MED1: variants seen among roughly 807,000 people sequenced by gnomAD.
The protein encoded by MED1 is mediator of RNA polymerase II transcription subunit 1.
Under a neutral mutation model 121.3 loss-of-function variants are expected in MED1, and 17 were observed. The observed-to-expected ratio is 0.14, with a 90% CI of 0.10 to 0.21. The LOEUF is 0.21. MED1 is among the 10% of genes least tolerant of loss of function. MED1 has a pLI of 1.00. For synonymous variants in MED1, 661 were observed against 694.4 expected (o/e 0.95, Z 0.76); for missense variants, 1,558 against 1,919.4 (o/e 0.81, Z 3.52).
rs564503388 is a variant in MED1, at chr17:39,437,035, C to A, written c.428+2130G>T. On this transcript the variant is annotated intron_variant, in intron 6 of 16. Transcript: ENST00000300651. ...ACAACCTCTGCCTCCCGGGTTCAAG[C>A]GATTCTCTTGCCTCAGCCTCCCAAG... is the stretch of plus-strand genomic sequence containing the variant. Among the ~76,000 whole-genome samples, 140 of 151,910 alleles carry A rather than the reference C, an allele frequency of 9.2e-4. 3 individuals are homozygous for A. Among genetic ancestry groups the A allele is most frequent in the African/African-American group, 3.3e-3 (138 of 41,446 alleles).
At position 39,407,338 on chromosome 17, in the gene MED1, G is replaced by T; in HGVS notation, c.*137C>A. 7.0e-7 allele frequency: 1 copy of T among 1,422,448 alleles called. No homozygotes were observed. 88.1% of individuals were successfully genotyped at this position (1,422,448 alleles called of 1,614,324 possible). A position where few individuals can be genotyped will look rare whatever the true frequency, so the allele number is the denominator to read the frequency against. On this transcript the variant is annotated 3_prime_UTR_variant, in exon 17 of 17. Transcript: ENST00000300651. Reference sequence around the variant, plus strand: ...TGGATATGCCTTTCTAATTCACCCAGCTTGATGTCAAAGCCATGCCATTTA... The same window carrying T: ...TGGATATGCCTTTCTAATTCACCCATCTTGATGTCAAAGCCATGCCATTTA...
At chr17:39,422,217 G>A (rs1293928502) in intron 13 of MED1, among the ~76,000 whole-genome samples, 7 of 151,250 alleles carry the variant, frequency 4.6e-5, no homozygotes, top group Non-Finnish European at 2.9e-5. Flanking sequence ...AGGCTGAAGC[G>A]CAGTGGTGCG....
intron 14 of MED1, among the ~76,000 whole-genome samples, chr17:39,415,767 A>C (rs1434947944): frequency 1.4e-5 from 2 of 141,474 alleles, no homozygotes; most frequent in African/African-American, 5.2e-5. Flanking sequence ...TAGTGAGCTG[A>C]GATCGTGCCA....
intron 14 of MED1, among the ~76,000 whole-genome samples, chr17:39,416,455 A>G (rs2048410147): frequency 6.6e-6 from 1 of 152,226 alleles, no homozygotes; most frequent in Admixed American, 6.6e-5. Flanking sequence ...CAGATGTGCT[A>G]GCAGCCTAGA....
chr17:39,441,027 C>A (rs1468642987), intron 3 of MED1, among the ~76,000 whole-genome samples: 2 of 151,912 alleles, frequency 1.3e-5, no homozygotes, highest in East Asian at 3.9e-4. Context: ...ATTAACAACA[C>A]CATTAATCAC....
Position 39,440,428 on chromosome 17 carries a change from C to A in MED1, c.357G>T (p.Gln119His). 6.3e-7 allele frequency: 1 copy of A among 1,584,174 alleles called. No homozygotes were observed. The highest frequency in any genetic ancestry group is 2.0e-5 in the Admixed American group (1 of 48,974). The change falls in exon 5 of 17, where the codon CAG becomes CAT. Residue 119 changes from glutamine (Q) to histidine (H), a missense_variant. Physicochemically the swap from Gln to His is conservative, Grantham distance 24. Around this residue, in one of 5 missense-constraint regions of MED1, gnomAD observed 443 missense variants for 532.4 expected, o/e 0.83. Coordinates refer to ENST00000300651, the MANE Select transcript of MED1 (RefSeq NM_004774.4). The surrounding 1 kb of genome is among the most constrained non-coding windows in gnomAD (Gnocchi z 4.1). ...GGTGAGCCACTTTTACATCACAAAG[C>A]TGTCCTGCAGGATCTAACTGCACTT... The part of the protein sequence containing the change: ...YVEVQLDPAG[Q>H]LCDVKVAHHG...
At chr17:39,446,277 C>G (rs2048726193) in intron 2 of MED1, among the ~76,000 whole-genome samples, 1 of 150,954 alleles carries the variant, frequency 6.6e-6, no homozygotes. Context: ...GGTGAAACCC[C>G]GTCTCTACTA....
At position 39,408,100 on chromosome 17, in the gene MED1, G is replaced by T. The variant is rs2048320356; in HGVS notation, c.4121C>A (p.Ser1374Tyr). ...KVSTSGSSVD[S>Y]SKKTSESKNV... ...TTTTGACTCTGAGGTCTTCTTAGAA[G>T]AATCCACTGAACTCCCGGAGGTGGA... The change falls in exon 17 of 17, where the codon TCT (serine) becomes TAT (tyrosine). Residue 1374 changes from serine to tyrosine, a missense_variant. By Grantham distance (144) the Ser-to-Tyr change is moderately radical. Transcript: ENST00000300651. This position sits in a 1 kb window ranked among gnomAD's most constrained non-coding sequence, Gnocchi z 4.7. 3 of 1,614,128 alleles carry T rather than the reference G, an allele frequency of 1.9e-6. No individual in the cohort carries two copies. The highest frequency in any genetic ancestry group is 2.5e-6 in the Non-Finnish European group (3 of 1,180,036).
chr17:39,446,938 A>C (rs2048733749), intron 2 of MED1, among the ~76,000 whole-genome samples: 1 of 152,128 alleles, frequency 6.6e-6, no homozygotes, highest in Admixed American at 6.6e-5. Context: ...TGGTCTCAAA[A>C]AAAAGAATGA....
rs1404232465 is a variant in MED1, at chr17:39,440,110, A to G, written c.399+276T>C. Reference sequence around the variant, plus strand: ...CAAGCAAGAAAGAAAGAAAGAAAAAAGAAAGAAAAGAAAGAAAGGAAGGAA... The same window carrying G: ...CAAGCAAGAAAGAAAGAAAGAAAAAGGAAAGAAAAGAAAGAAAGGAAGGAA... On this transcript the variant is annotated intron_variant, in intron 5 of 16. Coordinates refer to ENST00000300651, the MANE Select transcript of MED1 (RefSeq NM_004774.4). The surrounding 1 kb of genome is among the most constrained non-coding windows in gnomAD (Gnocchi z 4.1). Among the ~76,000 whole-genome samples the G allele has an allele frequency of 6.6e-6, 1 of 151,830 alleles. No homozygotes were observed. Among genetic ancestry groups the G allele is most frequent in the Non-Finnish European group, 1.5e-5 (1 of 67,978 alleles).
Position 39,405,999 on chromosome 17 carries a change from C to T in MED1, c.*1476G>A. On this transcript the variant is annotated 3_prime_UTR_variant, in exon 17 of 17. Transcript: ENST00000300651. ...CTGAATGGAATAATCAGGAATGGCA[C>T]AGTGCAGGTGTCAATATCAAAGTAA... 1 of 985,438 alleles carries T rather than the reference C, an allele frequency of 1.0e-6. No homozygotes were observed. Among genetic ancestry groups the T allele is most frequent in the Non-Finnish European group, 1.2e-6 (1 of 829,934 alleles). The allele number at this position is 985,438 out of a possible 1,614,324, so 61.0% of individuals were successfully genotyped here. A position where few individuals can be genotyped will look rare whatever the true frequency, so the allele number is the denominator to read the frequency against.
chr17:39,420,632 T>A (rs1186801049), intron 13 of MED1, among the ~76,000 whole-genome samples: 1 of 151,594 alleles, frequency 6.6e-6, no homozygotes, highest in African/African-American at 2.4e-5. Context: ...CGTTCCCTTA[T>A]TATTATTATT....
chr17:39,445,847 G>T (rs1402440570), intron 2 of MED1, among the ~76,000 whole-genome samples: 1 of 151,744 alleles, frequency 6.6e-6, no homozygotes, highest in African/African-American at 2.4e-5. Context: ...TGGCTAACAT[G>T]GTGAAACCCC....
chr17:39,417,093 G>A (rs2048416687), intron 14 of MED1, among the ~76,000 whole-genome samples: 1 of 152,132 alleles, frequency 6.6e-6, no homozygotes, highest in African/African-American at 2.4e-5. Context: ...CACTTTGGGA[G>A]GCCGAGGCAG....
At chr17:39,439,981 A>G (rs867212199) in intron 5 of MED1, among the ~76,000 whole-genome samples, 2 of 119,542 alleles carry the variant, frequency 1.7e-5, no homozygotes, top group African/African-American at 6.3e-5. Context: ...AAAGAAAGAA[A>G]GAAAGAAGGA....
At chr17:39,438,808 G>A (rs1053566321) in intron 6 of MED1, among the ~76,000 whole-genome samples, 1 of 152,068 alleles carries the variant, frequency 6.6e-6, no homozygotes, top group African/African-American at 2.4e-5. Flanking sequence ...AATTAGCTGG[G>A]CATGGTGGCA....
chr17:39,448,130 TCCA>T (rs2048745711), intron 1 of MED1, among the ~76,000 whole-genome samples: 1 of 150,352 alleles, frequency 6.7e-6, no homozygotes, highest in Non-Finnish European at 1.5e-5. Flanking sequence ...CTGTTATCTA[TCCA>T]CCTTTTTTTT....
chr17:39,406,368 G>A lies in MED1; in HGVS notation c.*1107C>T. ...TCTCCTTGTGATGAAGAGAAACAGT[G>A]AGTCCAGCTCTTAGGAATGGCATCA... On this transcript the variant is annotated 3_prime_UTR_variant, in exon 17 of 17. Coordinates refer to ENST00000300651, the MANE Select transcript of MED1 (RefSeq NM_004774.4). 1 of 985,522 alleles carries A rather than the reference G, an allele frequency of 1.0e-6. No individual in the cohort carries two copies. Among genetic ancestry groups the A allele is most frequent in the Non-Finnish European group, 1.2e-6 (1 of 829,926 alleles). 61.0% of individuals were successfully genotyped at this position (985,522 alleles called of 1,614,324 possible). A position where few individuals can be genotyped will look rare whatever the true frequency, so the allele number is the denominator to read the frequency against.
rs759466539 is a variant in MED1, at chr17:39,409,500, C to T, written c.2721G>A (p.Gly907=). ...CATTATCACCTCCAAGCATTGGCAC[C>T]CCCAAAGTATTTAGTGCCTGAGATG... ...GFASQALNTL[G]VPMLGGDNGE... Residue 907 remains glycine, a synonymous_variant, in exon 17 of 17, where the codon GGG becomes GGA. Coordinates refer to ENST00000300651, the MANE Select transcript of MED1 (RefSeq NM_004774.4). 1 of 1,614,092 alleles carries T rather than the reference C, an allele frequency of 6.2e-7. No homozygotes were observed. Among genetic ancestry groups the T allele is most frequent in the South Asian group, 1.1e-5 (1 of 91,076 alleles).
Sources: allele counts gnomAD v4.1 joint callset (sites outside exome capture counted in the v4.1 genomes callset), GRCh38; gene constraint gnomAD v4.1.1; regional missense constraint gnomAD v4.1.1; non-coding constraint Gnocchi (gnomAD v3.1); transcripts MANE v1.5; gene names NCBI Gene and HGNC (gene_info 2026-07-23, HGNC 2026-07-21).